PPM1H: variants seen among roughly 807,000 people sequenced by gnomAD.
The protein encoded by PPM1H is protein phosphatase, Mg2+/Mn2+ dependent 1H.
Under a neutral mutation model 54.9 loss-of-function variants are expected in PPM1H, and 27 were observed. That is an observed-to-expected ratio of 0.49 (90% CI 0.36 to 0.68). The LOEUF (loss-of-function observed/expected upper bound fraction) is 0.68, where lower values mean the gene tolerates loss of function less well. PPM1H is among the 30% of genes least tolerant of loss of function. The probability of loss-of-function intolerance (pLI) is 0.00; values close to 1 mark genes in which losing one functional copy is unlikely to be tolerated. For synonymous variants in PPM1H, 305 were observed against 270.8 expected (o/e 1.13, Z -1.24); for missense variants, 596 against 667.8 (o/e 0.89, Z 1.19).
At chr12:62,687,663 T>C (rs2076061235) in intron 8 of PPM1H, among the ~76,000 whole-genome samples, 1 of 151,684 alleles carries the variant, frequency 6.6e-6, no homozygotes, top group Admixed American at 6.6e-5. Flanking sequence ...TACATGCAAA[T>C]AGAGTTATGT....
intron 4 of PPM1H, among the ~76,000 whole-genome samples, chr12:62,772,945 C>T (rs957149756): frequency 7.9e-5 from 12 of 151,608 alleles, no homozygotes; most frequent in African/African-American, 1.7e-4. Flanking sequence ...GTCAAGAGAT[C>T]GGGACCATCC....
At chr12:62,923,439 G>A (rs1015610036) in intron 1 of PPM1H, among the ~76,000 whole-genome samples, 2 of 151,756 alleles carry the variant, frequency 1.3e-5, no homozygotes. Flanking sequence ...CTCCCTCTTG[G>A]CCCCCAGGCT....
intron 6 of PPM1H, among the ~76,000 whole-genome samples, chr12:62,699,002 C>G (rs1430114928): frequency 1.3e-5 from 2 of 152,142 alleles, no homozygotes; most frequent in Admixed American, 6.5e-5. Context: ...AGCAGCCCTG[C>G]CATCTTCATC....
At chr12:62,796,168 A>C (rs1249632839) in intron 3 of PPM1H, among the ~76,000 whole-genome samples, 1 of 152,248 alleles carries the variant, frequency 6.6e-6, no homozygotes, top group Non-Finnish European at 1.5e-5. Flanking sequence ...TTCTCATCCC[A>C]CAACAACCAA....
intron 2 of PPM1H, among the ~76,000 whole-genome samples, chr12:62,825,915 C>A (rs1868286055): frequency 6.6e-6 from 1 of 151,410 alleles, no homozygotes; most frequent in Non-Finnish European, 1.5e-5. Context: ...AAATTACCAC[C>A]AATTACAATT....
intron 3 of PPM1H, among the ~76,000 whole-genome samples, chr12:62,800,505 T>C (rs920131593): frequency 1.3e-5 from 2 of 151,904 alleles, no homozygotes; most frequent in Non-Finnish European, 2.9e-5. Flanking sequence ...CCCGACTAAT[T>C]TTTTTGTATT....
rs115488766 is a variant in PPM1H at position 62,722,664 on chromosome 12, C to A, written c.955-2375G>T. Among the ~76,000 whole-genome samples the A allele has an allele frequency of 2.8e-4, 43 of 152,180 alleles. 1 individual carries two copies. The highest frequency in any genetic ancestry group is 9.9e-4 in the African/African-American group (41 of 41,516). On this transcript the variant is annotated intron_variant, in intron 5 of 9. Coordinates refer to ENST00000228705, the MANE Select transcript of PPM1H (RefSeq NM_020700.2). The stretch of plus-strand genomic sequence containing the variant: ...CACAGAGCCACACACAGTATGGGCA[C>A]AAAAATGTCTCTGACATTATTTATA...
intron 1 of PPM1H, among the ~76,000 whole-genome samples, chr12:62,913,187 G>A (rs1871512424): frequency 6.6e-6 from 1 of 152,136 alleles, no homozygotes. Context: ...AAAGCTTGGG[G>A]AACATCAGTA....
At chr12:62,925,159 G>A (rs1871935345) in intron 1 of PPM1H, among the ~76,000 whole-genome samples, 1 of 152,118 alleles carries the variant, frequency 6.6e-6, no homozygotes, top group Non-Finnish European at 1.5e-5. Flanking sequence ...AAATATCTTA[G>A]ACTAATTAAA....
intron 8 of PPM1H, among the ~76,000 whole-genome samples, chr12:62,673,713 C>CTTTTTTTTTTTTTT (rs1192243731): frequency 2.9e-4 from 14 of 47,566 alleles, no homozygotes; most frequent in Non-Finnish European, 4.9e-4. Context: ...AGAAGAGCCA[C>CTTTTTTTTTTTTTT]TCTTTTTTTT....
intron 4 of PPM1H, among the ~76,000 whole-genome samples, chr12:62,743,786 T>C (rs1055131239): frequency 1.3e-5 from 2 of 151,998 alleles, no homozygotes; most frequent in African/African-American, 4.8e-5. Flanking sequence ...AATAAAGATA[T>C]GAAAAGATGC....
chr12:62,722,971 T>C (rs168294), intron 5 of PPM1H, among the ~76,000 whole-genome samples: 124,129 of 152,148 alleles, frequency 0.82, 51,267 homozygotes, highest in African/African-American at 0.95. Context: ...GTAAACCCAT[T>C]GTAACCTGAA....
intron 8 of PPM1H, among the ~76,000 whole-genome samples, chr12:62,678,490 AG>A (rs1232496100): frequency 6.6e-6 from 1 of 152,136 alleles, no homozygotes; most frequent in Non-Finnish European, 1.5e-5. Flanking sequence ...GTAAATCTCA[AG>A]TTTTATTCAA....
chr12:62,899,131 T>C (rs1670671727), intron 1 of PPM1H, among the ~76,000 whole-genome samples: 1 of 152,240 alleles, frequency 6.6e-6, no homozygotes, highest in Non-Finnish European at 1.5e-5. Flanking sequence ...TAAACAGATA[T>C]ATCATAGCAT....
At chr12:62,668,933 G>A (rs1368936350) in intron 8 of PPM1H, among the ~76,000 whole-genome samples, 2 of 152,226 alleles carry the variant, frequency 1.3e-5, no homozygotes, top group Non-Finnish European at 2.9e-5. Context: ...ACAACAAAAT[G>A]TTTACCCACA....
intron 4 of PPM1H, among the ~76,000 whole-genome samples, chr12:62,781,395 C>T (rs2076641262): frequency 6.6e-6 from 1 of 152,230 alleles, no homozygotes; most frequent in Non-Finnish European, 1.5e-5. Context: ...CAGGAGCTTG[C>T]CCTGCGTGTG....
At chr12:62,931,130 A>C (rs1872120182) in intron 1 of PPM1H, among the ~76,000 whole-genome samples, 1 of 152,146 alleles carries the variant, frequency 6.6e-6, no homozygotes, top group Non-Finnish European at 1.5e-5. Context: ...TACCATCTCA[A>C]AGGGTCAGTC....
At chr12:62,692,715 C>T (rs2076089634) in intron 7 of PPM1H, among the ~76,000 whole-genome samples, 1 of 152,086 alleles carries the variant, frequency 6.6e-6, no homozygotes, top group African/African-American at 2.4e-5. Context: ...CAGAACAGTG[C>T]CTATTAGCCC....
At chr12:62,653,737 C>A (rs2075828118) in intron 9 of PPM1H, among the ~76,000 whole-genome samples, 2 of 152,162 alleles carry the variant, frequency 1.3e-5, no homozygotes. Flanking sequence ...TTCTGTAGTG[C>A]TAGAACATGT....
Sources: allele counts gnomAD v4.1 joint callset (sites outside exome capture counted in the v4.1 genomes callset), GRCh38; gene constraint gnomAD v4.1.1; transcripts MANE v1.5; gene names NCBI Gene and HGNC (gene_info 2026-07-23, HGNC 2026-07-21).